The following LDLRAD3 variants were observed in gnomAD, a reference collection of about 807,000 sequenced individuals.
LDLRAD3 encodes low-density lipoprotein receptor class A domain-containing protein 3.
In LDLRAD3, 20 loss-of-function variants were observed where a neutral mutation model predicts 29.4. The observed-to-expected ratio is 0.68, with a 90% CI of 0.48 to 0.99. The LOEUF is 0.99. Among genes scored for constraint, LDLRAD3 ranks in the 50% least tolerant of loss-of-function variants. The pLI, the probability that LDLRAD3 is intolerant of heterozygous loss-of-function variation, is 0.00. For synonymous variants in LDLRAD3, 157 were observed against 192.7 expected, an observed-to-expected ratio of 0.81 and a Z score of 1.53; for missense variants, 420 against 454.3, an observed-to-expected ratio of 0.92 and a Z score of 0.69.
chr11:36,223,306 C>A (rs111931288), intron 4 of LDLRAD3, among the ~76,000 whole-genome samples: 5 of 152,162 alleles, frequency 3.3e-5, no homozygotes, highest in African/African-American at 1.2e-4. Flanking sequence ...CATTTTATAT[C>A]CCATGCATTT....
At chr11:36,159,602 T>TAAAAAAAAA (rs66512652) in intron 4 of LDLRAD3, among the ~76,000 whole-genome samples, 21 of 58,452 alleles carry the variant, frequency 3.6e-4, no homozygotes, top group African/African-American at 8.2e-4. Context: ...TTACAGAAAC[T>TAAAAAAAAA]AAAAAAAAAA....
chr11:36,039,482 G>T (rs1852353192), intron 2 of LDLRAD3, among the ~76,000 whole-genome samples: 1 of 148,418 alleles, frequency 6.7e-6, no homozygotes, highest in South Asian at 2.1e-4. Flanking sequence ...CAAAATGGGG[G>T]TAATAAGGCT....
chr11:35,980,667 A>G (rs984563179), intron 1 of LDLRAD3, among the ~76,000 whole-genome samples: 2 of 152,162 alleles, frequency 1.3e-5, no homozygotes, highest in African/African-American at 4.8e-5. Flanking sequence ...CCAGCTGAAG[A>G]CTTCTTTTAT....
At chr11:36,166,719 A>G (rs1161241541) in intron 4 of LDLRAD3, among the ~76,000 whole-genome samples, 1 of 152,332 alleles carries the variant, frequency 6.6e-6, no homozygotes, top group East Asian at 1.9e-4. Flanking sequence ...GGTTGGAAAC[A>G]TGATCTTCTA....
chr11:36,140,331 G>A (rs571643120), intron 4 of LDLRAD3, among the ~76,000 whole-genome samples: 48 of 152,164 alleles, frequency 3.2e-4, no homozygotes, highest in Non-Finnish European at 5.9e-4. Flanking sequence ...ATGCGCATAC[G>A]CTCATTCATA....
intron 1 of LDLRAD3, chr11:35,988,740 T>C (rs1194722116): frequency 6.6e-6 from 1 of 152,080 alleles, no homozygotes; most frequent in Non-Finnish European, 1.5e-5. Flanking sequence ...CATGCCACCA[T>C]GCCCTACTAA....
intron 1 of LDLRAD3, among the ~76,000 whole-genome samples, chr11:36,023,069 C>T (rs967038597): frequency 3.3e-5 from 5 of 152,112 alleles, no homozygotes; most frequent in Non-Finnish European, 5.9e-5. Context: ...ATTGTAGAAG[C>T]GGGATGGACC....
intron 4 of LDLRAD3, among the ~76,000 whole-genome samples, chr11:36,179,621 T>G (rs1320753840): frequency 6.6e-6 from 1 of 152,206 alleles, no homozygotes; most frequent in Non-Finnish European, 1.5e-5. Flanking sequence ...GTTCCCTAGT[T>G]GTGCAGACCT....
At chr11:36,136,284 C>G (rs1483204626) in intron 4 of LDLRAD3, among the ~76,000 whole-genome samples, 1 of 152,150 alleles carries the variant, frequency 6.6e-6, no homozygotes, top group South Asian at 2.1e-4. Context: ...CACAACAACC[C>G]CACAAGGTAG....
chr11:36,217,300 T>A (rs180776506), intron 4 of LDLRAD3, among the ~76,000 whole-genome samples: 2 of 152,190 alleles, frequency 1.3e-5, no homozygotes, highest in East Asian at 3.9e-4. Context: ...ATTTCCCAGA[T>A]TGTGGTGAGC....
At chr11:36,021,373 T>A (rs771044058) in intron 1 of LDLRAD3, among the ~76,000 whole-genome samples, 62 of 152,142 alleles carry the variant, frequency 4.1e-4, no homozygotes, top group Middle Eastern at 3.4e-3. Flanking sequence ...GAAGGAATGA[T>A]CAGAGAGCCA....
chr11:36,183,640 C>G (rs1299635526), intron 4 of LDLRAD3, among the ~76,000 whole-genome samples: 5 of 151,612 alleles, frequency 3.3e-5, no homozygotes, highest in African/African-American at 1.2e-4. Flanking sequence ...GGGACTCAAC[C>G]TAGTCTGAAG....
intron 4 of LDLRAD3, among the ~76,000 whole-genome samples, chr11:36,157,758 A>G (rs767255412): frequency 2.6e-5 from 4 of 152,166 alleles, no homozygotes; most frequent in Non-Finnish European, 4.4e-5. Context: ...GAGTGTCTCC[A>G]TTTCAGTTGT....
At chr11:36,168,235 A>C (rs561499576) in intron 4 of LDLRAD3, among the ~76,000 whole-genome samples, 1 of 152,318 alleles carries the variant, frequency 6.6e-6, no homozygotes, top group East Asian at 1.9e-4. Flanking sequence ...AAGATCATAA[A>C]GCTAAGATTG....
chr11:36,024,552 C>T (rs1458429424), intron 1 of LDLRAD3, among the ~76,000 whole-genome samples: 1 of 152,202 alleles, frequency 6.6e-6, no homozygotes, highest in Admixed American at 6.5e-5. Flanking sequence ...CACTCCTGAG[C>T]TCATGCTCTT....
At chr11:36,057,135 T>C (rs1852633031) in intron 2 of LDLRAD3, among the ~76,000 whole-genome samples, 2 of 152,232 alleles carry the variant, frequency 1.3e-5, no homozygotes, top group South Asian at 4.1e-4. Flanking sequence ...TCTGGGATAT[T>C]CTCAATCAGG....
intron 1 of LDLRAD3, among the ~76,000 whole-genome samples, chr11:36,025,774 A>ATTTTTTTTTTTTTTTTTTTT (rs754006718): frequency 1.2e-5 from 1 of 84,414 alleles, no homozygotes; most frequent in African/African-American, 4.5e-5. Flanking sequence ...CCTGAATTTG[A>ATTTTTTTTTTTTTTTTTTTT]TTTTTTTTTT....
intron 4 of LDLRAD3, among the ~76,000 whole-genome samples, chr11:36,134,374 T>TA (rs1342047779): frequency 6.6e-6 from 1 of 152,232 alleles, no homozygotes; most frequent in Non-Finnish European, 1.5e-5. Context: ...TCAGTTCCTG[T>TA]AAAAATCGAG....
At chr11:35,981,976 G>A (rs1408979422) in intron 1 of LDLRAD3, among the ~76,000 whole-genome samples, 1 of 152,214 alleles carries the variant, frequency 6.6e-6, no homozygotes, top group African/African-American at 2.4e-5. Context: ...TCCATCACCA[G>A]TGTTGTTTCC....
Sources: gnomAD v4.1 joint callset for allele counts (sites outside exome capture counted in the v4.1 genomes callset) on GRCh38, gnomAD v4.1.1 for gene constraint, MANE v1.5 for transcripts, NCBI Gene and HGNC (gene_info 2026-07-23, HGNC 2026-07-21) for gene names.